The following ZFYVE16 variants were observed in gnomAD, a reference collection of about 807,000 sequenced individuals.
The protein encoded by ZFYVE16 is zinc finger FYVE domain-containing protein 16.
Under a neutral mutation model 138.1 loss-of-function variants are expected in ZFYVE16, and 89 were observed. That is an observed-to-expected ratio of 0.64 (90% CI 0.54 to 0.77). The LOEUF (loss-of-function observed/expected upper bound fraction) is 0.77, where lower values mean the gene tolerates loss of function less well. Among genes scored for constraint, ZFYVE16 ranks in the 30% least tolerant of loss-of-function variants. The pLI is 0.00. For missense variants in ZFYVE16, 1,793 were observed against 1,786.7 expected (o/e 1.00, Z -0.06); for synonymous variants, 596 against 618.3 (o/e 0.96, Z 0.53).
chr5:80,461,041 A>G (rs745821496), intron 15 of ZFYVE16, among the ~76,000 whole-genome samples: 42 of 152,200 alleles, frequency 2.8e-4, no homozygotes, highest in Non-Finnish European at 4.9e-4. Flanking sequence ...AAACATAACC[A>G]CAAAACTACA....
At chr5:80,476,032 C>T (rs1219147176) in intron 18 of ZFYVE16, among the ~76,000 whole-genome samples, 1 of 152,128 alleles carries the variant, frequency 6.6e-6, no homozygotes, top group Non-Finnish European at 1.5e-5. Flanking sequence ...CAGCCTCTGC[C>T]CCCTGGGTTC....
At chr5:80,453,975 A>G (rs1235473746) in intron 11 of ZFYVE16, 5 of 152,190 alleles carry the variant, frequency 3.3e-5, no homozygotes, top group Non-Finnish European at 7.4e-5. Flanking sequence ...TTTTAAACAA[A>G]ACTACCTCTT....
At chr5:80,427,971 CAAAAAAAAAAA>C (rs386404254) in intron 2 of ZFYVE16, among the ~76,000 whole-genome samples, 1 of 48,104 alleles carries the variant, frequency 2.1e-5, no homozygotes. Context: ...GACTCCATCT[CAAAAAAAAAAA>C]AAAAAAAAAA....
chr5:80,470,099 G>T (rs432651), intron 15 of ZFYVE16, among the ~76,000 whole-genome samples: 82 of 121,118 alleles, frequency 6.8e-4, no homozygotes, highest in East Asian at 2.3e-3. Flanking sequence ...GTGTGTGTGT[G>T]TATTTTTTTT....
intron 10 of ZFYVE16, 48 bp from the exon 11 acceptor site, chr5:80,451,436 AC>A: frequency 6.8e-7 from 1 of 1,464,298 alleles, no homozygotes; most frequent in Non-Finnish European, 9.3e-7. Flanking sequence ...TTTCTTCAAA[AC>A]AATAACAAAA....
Position 80,450,426 on chromosome 5 carries a change from C to CGA in ZFYVE16, c.3227-5_3227-4insGA. ...ATTAATAGTTATATTCTTTTATCAT[C>CGA]TAAGATTCCTCAGACAAATATTGGT... is the stretch of plus-strand genomic sequence containing the variant. On this transcript the variant is annotated splice_region_variant and splice_polypyrimidine_tract_variant and intron_variant, in intron 9 of 18. Coordinates refer to ENST00000505560, the MANE Select transcript of ZFYVE16 (RefSeq NM_001284236.3). The CGA allele has an allele frequency of 6.2e-7, 1 of 1,612,284 alleles. No homozygotes were observed. The highest frequency in any genetic ancestry group is 1.3e-5 in the African/African-American group (1 of 74,978).
At chr5:80,408,734 A>C (rs1744997661) in intron 1 of ZFYVE16, among the ~76,000 whole-genome samples, 1 of 151,912 alleles carries the variant, frequency 6.6e-6, no homozygotes, top group Admixed American at 6.6e-5. Flanking sequence ...CTTATTTTTA[A>C]CTCTTATTTG....
intron 1 of ZFYVE16, among the ~76,000 whole-genome samples, chr5:80,421,707 A>G (rs1747207713): frequency 6.6e-6 from 1 of 152,106 alleles, no homozygotes; most frequent in Non-Finnish European, 1.5e-5. Context: ...GCCTTGTAGT[A>G]TAGTTTGAAG....
At chr5:80,424,971 C>A (rs545702154) in intron 1 of ZFYVE16, among the ~76,000 whole-genome samples, 121 of 152,250 alleles carry the variant, frequency 7.9e-4, no homozygotes, top group African/African-American at 2.9e-3. Context: ...TGAAAGCGAC[C>A]TTTGCTCTCT....
intron 4 of ZFYVE16, 43 bp downstream of exon 4, chr5:80,439,050 A>G (rs745926438): frequency 2.6e-6 from 4 of 1,536,090 alleles, no homozygotes; most frequent in Non-Finnish European, 3.5e-6. Context: ...CTTTTGAGAC[A>G]TTTTAAACAA....
At chr5:80,473,525 G>A (rs573428238) in intron 16 of ZFYVE16, among the ~76,000 whole-genome samples, 7 of 152,192 alleles carry the variant, frequency 4.6e-5, no homozygotes, top group South Asian at 2.1e-4. Flanking sequence ...CTTGAGGTCT[G>A]AATTTGGCAT....
At chr5:80,411,511 A>G (rs190781515) in intron 1 of ZFYVE16, 1 of 152,224 alleles carries the variant, frequency 6.6e-6, no homozygotes, top group East Asian at 1.9e-4. Context: ...TTAACATTAT[A>G]TATTGGATAT....
intron 1 of ZFYVE16, among the ~76,000 whole-genome samples, chr5:80,416,556 AT>A (rs56106254): frequency 0.84 from 120,273 of 142,346 alleles, 51,111 homozygotes; most frequent in East Asian, 0.92. Flanking sequence ...CGCCCAGCCG[AT>A]TTTTTTTTTT....
chr5:80,440,942 T>G (rs1750642853), intron 5 of ZFYVE16: 1 of 985,218 alleles, frequency 1.0e-6, no homozygotes, highest in South Asian at 4.7e-5. Context: ...CTGATGTGAG[T>G]CTGTTAGCCT....
intron 11 of ZFYVE16, among the ~76,000 whole-genome samples, chr5:80,453,384 T>G (rs921110848): frequency 1.1e-3 from 172 of 152,288 alleles, no homozygotes; most frequent in African/African-American, 4.0e-3. Context: ...AATAGAAGAT[T>G]AGGGGAATAA....
chr5:80,426,744 A>G (rs951557929), intron 1 of ZFYVE16, among the ~76,000 whole-genome samples: 4 of 152,204 alleles, frequency 2.6e-5, no homozygotes, highest in African/African-American at 7.2e-5. Context: ...TATTGTGAAC[A>G]TACACATGCA....
chr5:80,478,558 CATT>C lies in ZFYVE16; in HGVS notation c.*1185_*1187del, dbSNP rs1470376396. The C allele has an allele frequency of 6.6e-6, 1 of 151,946 alleles. No individual in the cohort carries two copies. The highest frequency in any genetic ancestry group is 1.5e-5 in the Non-Finnish European group (1 of 67,946). The allele number at this position is 151,946 out of a possible 1,614,324, so 9.4% of individuals were successfully genotyped here. ...ATTTAAGTTATGTAAAAAATTTAATCATTATTTTGATGCTTTAAACATTCTCAT... is the reference window on the plus strand; with the variant it reads ...ATTTAAGTTATGTAAAAAATTTAATCATTTTGATGCTTTAAACATTCTCAT... On this transcript the variant is annotated 3_prime_UTR_variant, in exon 19 of 19. Coordinates refer to ENST00000505560, the MANE Select transcript of ZFYVE16 (RefSeq NM_001284236.3).
In ZFYVE16 at chr5:80,479,266, GATCT is replaced by G; in HGVS notation, c.*1892_*1895del. 1 of 152,244 alleles carries G rather than the reference GATCT, an allele frequency of 6.6e-6. No individual in the cohort carries two copies. The highest frequency in any genetic ancestry group is 2.1e-4 in the South Asian group (1 of 4,824). 9.4% of individuals were successfully genotyped at this position (152,244 alleles called of 1,614,324 possible). ...TGGTTCTTTGTACTCAGTCTGCAAT[GATCT>G]ATTTTTGGCTTATGTCTTTTAATAC... is the stretch of plus-strand genomic sequence containing the variant. On this transcript the variant is annotated 3_prime_UTR_variant, in exon 19 of 19. Coordinates refer to ENST00000505560, the MANE Select transcript of ZFYVE16 (RefSeq NM_001284236.3).
chr5:80,455,038 T>A (rs1057184961), intron 11 of ZFYVE16: 3 of 152,232 alleles, frequency 2.0e-5, no homozygotes, highest in Non-Finnish European at 4.4e-5. Context: ...TACTCTCGAA[T>A]CAGACAAGCC....
Sources: allele counts gnomAD v4.1 joint callset (sites outside exome capture counted in the v4.1 genomes callset), GRCh38; gene constraint gnomAD v4.1.1; transcripts MANE v1.5; gene names NCBI Gene and HGNC (gene_info 2026-07-23, HGNC 2026-07-21).